Variants in INCENP observed in about 807,000 individuals in gnomAD.
INCENP encodes inner centromere protein.
INCENP carries 43 observed loss-of-function variants against 107.3 expected under a neutral mutation model. That is an observed-to-expected ratio of 0.40 (90% CI 0.31 to 0.52). The LOEUF (loss-of-function observed/expected upper bound fraction) is 0.52. INCENP is among the 20% of genes least tolerant of loss of function. The pLI is 0.53. For synonymous variants in INCENP, 488 were observed against 494.4 expected, an observed-to-expected ratio of 0.99 and a Z score of 0.17; for missense variants, 1,089 against 1,250.9, an observed-to-expected ratio of 0.87 and a Z score of 1.95.
rs1554980539 is a variant in INCENP, at chr11:62,148,535, T to C, written c.2264T>C (p.Leu755Pro). 1.6e-5 allele frequency: 25 copies of C among 1,607,436 alleles called. No homozygotes were observed. In the South Asian group the frequency reaches 2.8e-4, roughly 18 times the overall value. Reference protein sequence around the residue: ...RLQKEQLQRELEEKKKKEEQQ... With the variant: ...RLQKEQLQREPEEKKKKEEQQ... Reference sequence around the variant, plus strand: ...CAGAAGGAGCAGCTGCAGAGGGAACTGGAGGAGAAGAAGAAGAAGGTGAGG... The same window carrying C: ...CAGAAGGAGCAGCTGCAGAGGGAACCGGAGGAGAAGAAGAAGAAGGTGAGG... Residue 755 changes from leucine (L) to proline (P), a missense_variant, in exon 16 of 19, where the codon CTG (leucine) becomes CCG (proline). Coordinates refer to ENST00000394818, the MANE Select transcript of INCENP (RefSeq NM_001040694.2).
chr11:62,147,684 C>T (rs1201711533), intron 15 of INCENP, among the ~76,000 whole-genome samples: 2 of 152,158 alleles, frequency 1.3e-5, no homozygotes, highest in Non-Finnish European at 2.9e-5. Context: ...TGTCCATCTT[C>T]GTGGGTGGCT....
At chr11:62,149,398 C>T (rs1476478330) in intron 17 of INCENP, among the ~76,000 whole-genome samples, 1 of 152,174 alleles carries the variant, frequency 6.6e-6, no homozygotes, top group Non-Finnish European at 1.5e-5. Flanking sequence ...ATTTTCACTT[C>T]ACTGCTGTTA....
At chr11:62,142,914 T>A (rs984560174) in intron 11 of INCENP, among the ~76,000 whole-genome samples, 2 of 152,208 alleles carry the variant, frequency 1.3e-5, no homozygotes, top group Non-Finnish European at 2.9e-5. Flanking sequence ...ATTTTCCCGA[T>A]CTCCTCTGGG....
At chr11:62,140,875 C>G (rs761022228) in intron 9 of INCENP, 38 bp from the exon 10 acceptor site, 1 of 1,613,788 alleles carries the variant, frequency 6.2e-7, no homozygotes, top group Non-Finnish European at 8.5e-7. Flanking sequence ...AGTACCCTGC[C>G]CCGCCTGCCC....
chr11:62,137,553 T>A (rs1944018097), intron 4 of INCENP, among the ~76,000 whole-genome samples: 1 of 152,208 alleles, frequency 6.6e-6, no homozygotes, highest in Non-Finnish European at 1.5e-5. Context: ...ACATTGTCCC[T>A]CTTCTCGAGA....
rs1318487947 is a variant in INCENP at position 62,138,698 on chromosome 11, C to T, written c.1116-15C>T. ...TAGCTGGGCAGTCCCCTCAGAGTCC[C>T]TCTTCTGTTTTCAGTTCTGAGCAGA... On this transcript the variant is annotated splice_polypyrimidine_tract_variant and intron_variant, in intron 5 of 18. Coordinates refer to ENST00000394818, the MANE Select transcript of INCENP (RefSeq NM_001040694.2). The T allele has an allele frequency of 1.2e-6, 2 of 1,613,720 alleles. No individual in the cohort carries two copies. The highest frequency in any genetic ancestry group is 1.7e-6 in the Non-Finnish European group (2 of 1,179,674).
chr11:62,134,962 G>C (rs936346943), intron 4 of INCENP, among the ~76,000 whole-genome samples: 80 of 152,100 alleles, frequency 5.3e-4, no homozygotes, highest in African/African-American at 1.9e-3. Flanking sequence ...GAGGCAGGAG[G>C]ATTGCTTGAA....
intron 4 of INCENP, among the ~76,000 whole-genome samples, chr11:62,134,402 T>TAAA (rs71053016): frequency 0.19 from 24,620 of 126,444 alleles, 2,669 homozygotes; most frequent in South Asian, 0.35. Context: ...GAGACTCTGT[T>TAAA]AAAAAAAAAA....
rs1161565323 is a variant in INCENP, at chr11:62,146,690, G to A, written c.1992G>A (p.Leu664=). Residue 664 remains leucine (L), a synonymous_variant, in exon 15 of 19, where the codon CTG becomes CTA. Coordinates refer to ENST00000394818, the MANE Select transcript of INCENP (RefSeq NM_001040694.2). Reference sequence around the variant, plus strand: ...AAGAGCGGCGGCACCAAGAGCTGCTGCAGAAGAAGAAGGAAGAGGAGCAGG... The same window carrying A: ...AAGAGCGGCGGCACCAAGAGCTGCTACAGAAGAAGAAGGAAGAGGAGCAGG... ...EEEERRHQEL[L]QKKKEEEQER... 1.3e-6 allele frequency: 2 copies of A among 1,550,690 alleles called. No individual in the cohort carries two copies. Among genetic ancestry groups the A allele is most frequent in the African/African-American group, 2.7e-5 (2 of 72,934 alleles).
Position 62,145,287 on chromosome 11 carries a change from A to C in INCENP, c.1834A>C (p.Lys612Gln). The change falls in exon 13 of 19, where the codon AAG (lysine) becomes CAG (glutamine). Residue 612 changes from lysine to glutamine, a missense_variant and splice_region_variant. Coordinates refer to ENST00000394818, the MANE Select transcript of INCENP (RefSeq NM_001040694.2). ...TGCTCAGATCGACGAGAAGACTGAG[A>C]AGGTGGGAGCCTGGGCTGTGGAGGC... ...KFAQIDEKTE[K>Q]AKEERLAEEK... is the part of the protein sequence containing the mutation. 6.2e-7 allele frequency: 1 copy of C among 1,613,938 alleles called. No homozygotes were observed. The highest frequency in any genetic ancestry group is 8.5e-7 in the Non-Finnish European group (1 of 1,180,012).
chr11:62,145,672 C>T lies in INCENP; in HGVS notation c.1880C>T (p.Ala627Val), dbSNP rs116462742. Residue 627 changes from alanine (A) to valine (V), a missense_variant, in exon 14 of 19, where the codon GCG becomes GTG. By Grantham distance (64) the Ala-to-Val change is moderately conservative. Coordinates refer to ENST00000394818, the MANE Select transcript of INCENP (RefSeq NM_001040694.2). ...RLAEEKAKKK[A>V]AAKKMEEVEA... ...GCAGAGGAGAAGGCCAAGAAAAAGG[C>T]GGCGGCCAAGAAGATGGAGGAGGTG... The T allele has an allele frequency of 1.7e-3, 2,612 of 1,577,478 alleles. 34 individuals carry two copies. The African/African-American group carries it at 0.029, about 17-fold the overall frequency.
Position 62,150,000 on chromosome 11 carries a change from G to A in INCENP, c.2392-57G>A, listed in dbSNP as rs553956319. On this transcript the variant is annotated intron_variant, in intron 17 of 18. Coordinates refer to ENST00000394818, the MANE Select transcript of INCENP (RefSeq NM_001040694.2). ...GGTGAGCAGTGCCCCAGCACTCCTC[G>A]GTGGTGAGAGATGGGAATGCCATGG... is the stretch of plus-strand genomic sequence containing the variant. 2.0e-5 allele frequency: 31 copies of A among 1,576,362 alleles called. No individual in the cohort carries two copies. The East Asian group carries it at 4.3e-4, about 22-fold the overall frequency.
In INCENP at chr11:62,140,741, G is replaced by T; in HGVS notation, c.1381G>T (p.Asp461Tyr). 1 of 1,600,578 alleles carries T rather than the reference G, an allele frequency of 6.2e-7. No homozygotes were observed. The highest frequency in any genetic ancestry group is 2.3e-5 in the East Asian group (1 of 44,386). ...RSYKQAVSEL[D>Y]EEQHLEDEEL... is the part of the protein sequence containing the mutation. Reference sequence around the variant, plus strand: ...CTACAAGCAGGCCGTGAGTGAGCTGGACGAGGAGCAGCACCTGGAGGATGA... The same window carrying T: ...CTACAAGCAGGCCGTGAGTGAGCTGTACGAGGAGCAGCACCTGGAGGATGA... The change falls in exon 9 of 19, where the codon GAC (aspartate) becomes TAC (tyrosine). Residue 461 changes from aspartate (D) to tyrosine (Y), a missense_variant. By Grantham distance (160) the Asp-to-Tyr change is radical (BLOSUM62 -3). Transcript: ENST00000394818.
chr11:62,135,406 A>G (rs954654674), intron 4 of INCENP, among the ~76,000 whole-genome samples: 2 of 151,980 alleles, frequency 1.3e-5, no homozygotes, highest in Non-Finnish European at 2.9e-5. Context: ...AGCTGGGATT[A>G]CAGGTGCCCA....
intron 4 of INCENP, among the ~76,000 whole-genome samples, chr11:62,137,000 C>A (rs1046734666): frequency 6.6e-6 from 1 of 152,196 alleles, no homozygotes; most frequent in Non-Finnish European, 1.5e-5. Flanking sequence ...GCCTGGACAT[C>A]CTCCTCCTTT....
chr11:62,132,549 C>G (rs745785469), intron 4 of INCENP, among the ~76,000 whole-genome samples: 1 of 152,218 alleles, frequency 6.6e-6, no homozygotes, highest in Non-Finnish European at 1.5e-5. Flanking sequence ...GAGATTTTCT[C>G]AGGCCTGGAT....
chr11:62,134,057 C>T (rs1476954078), intron 4 of INCENP, among the ~76,000 whole-genome samples: 1 of 152,200 alleles, frequency 6.6e-6, no homozygotes, highest in Non-Finnish European at 1.5e-5. Flanking sequence ...CTCCTTCTCC[C>T]TAGACCAGTG....
At chr11:62,126,957 T>C (rs1943764239) in intron 1 of INCENP, among the ~76,000 whole-genome samples, 1 of 152,196 alleles carries the variant, frequency 6.6e-6, no homozygotes, top group South Asian at 2.1e-4. Context: ...ATTGCATCCA[T>C]GGATGTGGAA....
At chr11:62,148,624 G>A in intron 16 of INCENP, 70 bp downstream of exon 16, 2 of 1,521,658 alleles carry the variant, frequency 1.3e-6, no homozygotes, top group Non-Finnish European at 1.8e-6. Context: ...GACTCCTGCA[G>A]CAGGGGCTGC....
Sources: gnomAD v4.1 joint callset for allele counts (sites outside exome capture counted in the v4.1 genomes callset) on GRCh38, gnomAD v4.1.1 for gene constraint, MANE v1.5 for transcripts, NCBI Gene and HGNC (gene_info 2026-07-23, HGNC 2026-07-21) for gene names.